ZNF385C: variants seen among roughly 807,000 people sequenced by gnomAD.
The protein encoded by ZNF385C is CTD-2132N18.2.
ZNF385C carries 28 observed loss-of-function variants against 35.4 expected under a neutral mutation model. That is an observed-to-expected ratio of 0.79 (90% CI 0.59 to 1.08). ZNF385C has a LOEUF of 1.08. Among genes scored for constraint, ZNF385C ranks in the 50% least tolerant of loss-of-function variants. The pLI, the probability that ZNF385C is intolerant of heterozygous loss-of-function variation, is 0.00. For missense variants in ZNF385C, 605 were observed against 595.6 expected, an observed-to-expected ratio of 1.02 and a Z score of -0.16; for synonymous variants, 248 against 248.2, an observed-to-expected ratio of 1.00 and a Z score of 0.01.
chr17:42,080,290 G>A (rs2053734675), intron 1 of ZNF385C, among the ~76,000 whole-genome samples: 1 of 152,168 alleles, frequency 6.6e-6, no homozygotes. Context: ...TACTTAAAGA[G>A]CTGCATTCAG....
intron 1 of ZNF385C, among the ~76,000 whole-genome samples, chr17:42,083,941 ACTC>A (rs1245346958): frequency 6.6e-6 from 1 of 150,458 alleles, no homozygotes; most frequent in African/African-American, 2.4e-5. Flanking sequence ...CTGTTCTTGA[ACTC>A]CTGACCTCAG....
Position 42,037,770 on chromosome 17 carries a change from A to G in ZNF385C, c.366T>C (p.Ala122=). The G allele has an allele frequency of 6.5e-7, 1 of 1,536,958 alleles. No individual in the cohort carries two copies. Among genetic ancestry groups the G allele is most frequent in the South Asian group, 1.2e-5 (1 of 82,106 alleles). Residue 122 remains alanine, a synonymous_variant, in exon 3 of 9, where the codon GCT becomes GCC. Transcript: ENST00000692273. The part of the protein sequence containing the change: ...KHLLAFHFNG[A]APLSLFPNFS... Reference sequence around the variant, plus strand: ...AGTTGGGGAAGAGACTGAGCGGGGCAGCGCCATTGAAGTGGAAGGCGAGCA... The same window carrying G: ...AGTTGGGGAAGAGACTGAGCGGGGCGGCGCCATTGAAGTGGAAGGCGAGCA...
chr17:42,029,640 C>T (rs2052681816), intron 5 of ZNF385C, among the ~76,000 whole-genome samples: 1 of 151,340 alleles, frequency 6.6e-6, no homozygotes, highest in South Asian at 2.1e-4. Flanking sequence ...CTTGAACCTG[C>T]AAGGTGGAGG....
intron 6 of ZNF385C, 33 bp downstream of exon 6, chr17:42,028,750 T>A: frequency 5.2e-6 from 8 of 1,533,130 alleles, no homozygotes; most frequent in Non-Finnish European, 7.0e-6. Context: ...TGTCCCACCC[T>A]TTCCCTGGGC....
chr17:42,054,445 A>C (rs1555657380), intron 2 of ZNF385C, among the ~76,000 whole-genome samples: 1 of 152,164 alleles, frequency 6.6e-6, no homozygotes, highest in Admixed American at 6.5e-5. Context: ...TTTATCAAAG[A>C]GCACTGGCCA....
intron 3 of ZNF385C, among the ~76,000 whole-genome samples, chr17:42,037,378 TACACACACACACACAC>T (rs5820441): frequency 2.8e-5 from 4 of 144,532 alleles, no homozygotes; most frequent in African/African-American, 5.2e-5. Context: ...AGGCACAGGT[TACACACACACACACAC>T]ACACACACAC....
At chr17:42,059,089 C>T (rs1555657792) in intron 2 of ZNF385C, among the ~76,000 whole-genome samples, 1 of 152,192 alleles carries the variant, frequency 6.6e-6, no homozygotes, top group Non-Finnish European at 1.5e-5. Context: ...CAGAGTTCAC[C>T]AGGCCAATGG....
intron 1 of ZNF385C, among the ~76,000 whole-genome samples, chr17:42,072,872 C>T (rs1274331962): frequency 6.6e-6 from 1 of 152,164 alleles, no homozygotes; most frequent in Non-Finnish European, 1.5e-5. Flanking sequence ...GCTGACCAGG[C>T]CCAGCGTACC....
intron 2 of ZNF385C, among the ~76,000 whole-genome samples, chr17:42,053,062 C>T (rs566621768): frequency 4.6e-5 from 7 of 152,284 alleles, no homozygotes; most frequent in Admixed American, 4.6e-4. Flanking sequence ...CCACTCCCAC[C>T]ATGGCCAGGG....
At position 42,037,447 on chromosome 17, in the gene ZNF385C, A is replaced by G. The variant is rs181084760; in HGVS notation, c.399+290T>C. On this transcript the variant is annotated intron_variant, in intron 3 of 8. Transcript: ENST00000692273. ...TCATCCACAGGAGCGCCTACACAGA[A>G]GCTTAAGTGGAATGCACAGACTACA... Among the ~76,000 whole-genome samples, 122 of 151,740 alleles carry G rather than the reference A, an allele frequency of 8.0e-4. 5 individuals are homozygous for G. The South Asian group carries it at 0.021, about 26-fold the overall frequency.
intron 1 of ZNF385C, among the ~76,000 whole-genome samples, chr17:42,086,347 G>T (rs1056516872): frequency 6.6e-6 from 1 of 151,772 alleles, no homozygotes; most frequent in Non-Finnish European, 1.5e-5. Context: ...AGCTGAGATC[G>T]CTTCGGCCTG....
rs1555655000 is a variant in ZNF385C at position 42,031,602 on chromosome 17, A to G, written c.676+17T>C. 1 of 1,530,090 alleles carries G rather than the reference A, an allele frequency of 6.5e-7. No homozygotes were observed. The highest frequency in any genetic ancestry group is 2.5e-5 in the East Asian group (1 of 40,482). 94.8% of individuals were successfully genotyped at this position (1,530,090 alleles called of 1,614,324 possible). On this transcript the variant is annotated intron_variant, in intron 5 of 8. Transcript: ENST00000692273. ...TTTGGAGTGGAGACGTGGGAAAGAG[A>G]AGAGCTCAGGACTGACCTTTACTCT...
intron 2 of ZNF385C, among the ~76,000 whole-genome samples, chr17:42,047,710 G>C (rs782350877): frequency 4.6e-5 from 7 of 151,790 alleles, no homozygotes; most frequent in Non-Finnish European, 7.4e-5. Context: ...CTGGAGTGTA[G>C]TGGTGTGATC....
chr17:42,041,302 CT>C, intron 2 of ZNF385C: 1 of 927,728 alleles, frequency 1.1e-6, no homozygotes, highest in Non-Finnish European at 1.4e-6. Context: ...GTTAGACAGA[CT>C]TAGGGACTAA....
At chr17:42,054,309 G>T (rs2053336413) in intron 2 of ZNF385C, among the ~76,000 whole-genome samples, 1 of 152,202 alleles carries the variant, frequency 6.6e-6, no homozygotes, top group South Asian at 2.1e-4. Context: ...CCGCCCTCTT[G>T]CCTCAGGACT....
intron 8 of ZNF385C, 56 bp downstream of exon 8, chr17:42,027,562 A>ACC: frequency 1.3e-5 from 2 of 150,460 alleles, no homozygotes; most frequent in Non-Finnish European, 2.6e-5. Flanking sequence ...TGGCCCTCCC[A>ACC]GCCCACCCTC....
chr17:42,049,109 G>A (rs1195419916), intron 2 of ZNF385C, among the ~76,000 whole-genome samples: 1 of 152,042 alleles, frequency 6.6e-6, no homozygotes, highest in Non-Finnish European at 1.5e-5. Context: ...CTTCTCTCTG[G>A]GTTCCTCCAG....
At chr17:42,064,828 G>A (rs2053524698) in intron 1 of ZNF385C, among the ~76,000 whole-genome samples, 1 of 152,096 alleles carries the variant, frequency 6.6e-6, no homozygotes, top group African/African-American at 2.4e-5. Flanking sequence ...GCCTCCCACA[G>A]TGCTGGGATT....
chr17:42,048,093 C>A (rs2053205740), intron 2 of ZNF385C, among the ~76,000 whole-genome samples: 1 of 152,010 alleles, frequency 6.6e-6, no homozygotes, highest in Non-Finnish European at 1.5e-5. Flanking sequence ...TCATCTCCTC[C>A]CCCCCTTCCC....
Sources: gnomAD v4.1 joint callset for allele counts (sites outside exome capture counted in the v4.1 genomes callset) on GRCh38, gnomAD v4.1.1 for gene constraint, MANE v1.5 for transcripts, NCBI Gene and HGNC (gene_info 2026-07-23, HGNC 2026-07-21) for gene names.